Variants in KCNK6 observed in about 807,000 individuals in gnomAD.
KCNK6 encodes the protein potassium two pore domain channel subfamily K member 6.
KCNK6 carries 20 observed loss-of-function variants against 21.9 expected under a neutral mutation model. The ratio of observed to expected loss-of-function variants is 0.91; its 90% CI spans 0.64 to 1.32. The LOEUF is 1.32. KCNK6 is among the 40% of genes most tolerant of loss of function. The pLI is 0.00. For missense variants in KCNK6, 415 were observed against 433.1 expected, an observed-to-expected ratio of 0.96 and a Z score of 0.37; for synonymous variants, 210 against 218.0, an observed-to-expected ratio of 0.96 and a Z score of 0.32.
At position 38,328,872 on chromosome 19, in the gene KCNK6, A is replaced by AGAGAGAG. The variant is rs1969740767; in HGVS notation, c.*1469_*1470insGAGAGAG. 1 of 120,762 alleles carries AGAGAGAG rather than the reference A, an allele frequency of 8.3e-6. No individual in the cohort carries two copies. Among genetic ancestry groups the AGAGAGAG allele is most frequent in the African/African-American group, 2.8e-5 (1 of 35,730 alleles). The allele number at this position is 120,762 out of a possible 1,614,324, so 7.5% of individuals were successfully genotyped here. On this transcript the variant is annotated 3_prime_UTR_variant, in exon 3 of 3. Coordinates refer to ENST00000263372, the MANE Select transcript of KCNK6 (RefSeq NM_004823.3). Reference sequence around the variant, plus strand: ...AAAGAAAGAGAGAAAGAAAGAAAGAAAGAGAGAGAAAGAAAGAAAGAAAGA... The same window carrying AGAGAGAG: ...AAAGAAAGAGAGAAAGAAAGAAAGAAGAGAGAGAGAGAGAGAAAGAAAGAAAGAAAGA...
Position 38,320,122 on chromosome 19 carries a change from G to T in KCNK6, c.172G>T (p.Ala58Ser). ...GCGCAGCCCGTGTGTGGCTGCCCCC[G>T]CCCTGGACGCCTTCGTGGAGCGAGT... Reference protein sequence around the residue: ...LQRSPCVAAPALDAFVERVLA... With the variant: ...LQRSPCVAAPSLDAFVERVLA... The change falls in exon 1 of 3, where the codon GCC becomes TCC. Residue 58 changes from alanine to serine, a missense_variant. By Grantham distance (99) the Ala-to-Ser change is moderately conservative (BLOSUM62 1). Transcript: ENST00000263372. 2.5e-6 allele frequency: 4 copies of T among 1,583,318 alleles called. No homozygotes were observed. Among genetic ancestry groups the T allele is most frequent in the Non-Finnish European group, 3.4e-6 (4 of 1,172,406 alleles).
chr19:38,320,520 G>A (rs1439133127), intron 1 of KCNK6, among the ~76,000 whole-genome samples: 1 of 150,726 alleles, frequency 6.6e-6, no homozygotes, highest in African/African-American at 2.4e-5. Flanking sequence ...CCTTTGCAGA[G>A]ACCAGCTGGG....
At position 38,327,273 on chromosome 19, in the gene KCNK6, T is replaced by G; in HGVS notation, c.812T>G (p.Leu271Arg). 2 of 1,613,742 alleles carry G rather than the reference T, an allele frequency of 1.2e-6. No individual in the cohort carries two copies. The highest frequency in any genetic ancestry group is 8.5e-7 in the Non-Finnish European group (1 of 1,180,020). Residue 271 changes from leucine (L) to arginine (R), a missense_variant, in exon 3 of 3, where the codon CTG becomes CGG. By Grantham distance (102) the Leu-to-Arg change is moderately radical (BLOSUM62 -2). Transcript: ENST00000263372. Reference protein sequence around the residue: ...DLHGLTELILLPPPCPASFNA... With the variant: ...DLHGLTELILRPPPCPASFNA... ...CACGGCCTCACGGAGCTCATCCTGCTGCCCCCTCCGTGCCCTGCCAGTTTC... is the reference window on the plus strand; with the variant it reads ...CACGGCCTCACGGAGCTCATCCTGCGGCCCCCTCCGTGCCCTGCCAGTTTC...
rs779821819 is a variant in KCNK6, at chr19:38,320,244, C to T, written c.294C>T (p.Phe98=). 16 of 1,606,258 alleles carry T rather than the reference C, an allele frequency of 1.0e-5. No homozygotes were observed. The East Asian group carries it at 3.6e-4, about 36-fold the overall frequency. ...CCTGGGACTTCGCCTCTGCTCTCTT[C>T]TTCGCCAGCACGCTGATCACCACCG... ...DPAWDFASAL[F]FASTLITTVG... is the part of the protein sequence containing the mutation. Residue 98 remains phenylalanine (F), a synonymous_variant, in exon 1 of 3, where the codon TTC becomes TTT. Coordinates refer to ENST00000263372, the MANE Select transcript of KCNK6 (RefSeq NM_004823.3).
chr19:38,324,056 A>G (rs1969681250), intron 1 of KCNK6, among the ~76,000 whole-genome samples: 1 of 152,066 alleles, frequency 6.6e-6, no homozygotes, highest in Non-Finnish European at 1.5e-5. Flanking sequence ...ATGCTTTTCA[A>G]ACTCTATGAT....
rs1257255788 is a variant in KCNK6, at chr19:38,327,630, T to C, written c.*227T>C. 1.7e-6 allele frequency: 1 copy of C among 582,836 alleles called. No homozygotes were observed. Among genetic ancestry groups the C allele is most frequent in the Non-Finnish European group, 3.1e-6 (1 of 325,322 alleles). 36.1% of individuals were successfully genotyped at this position (582,836 alleles called of 1,614,324 possible). ...GGCACCAACATAACCTTGTTCTCTG[T>C]CCTTTCTCTCATCCTCTTTACACTG... On this transcript the variant is annotated 3_prime_UTR_variant, in exon 3 of 3. Transcript: ENST00000263372.
In KCNK6 at chr19:38,329,946, TGAGA is replaced by T. The variant is rs1315786179; in HGVS notation, c.*2546_*2549del. The T allele has an allele frequency of 3.9e-5, 6 of 152,366 alleles. No homozygotes were observed. Among genetic ancestry groups the T allele is most frequent in the Non-Finnish European group, 1.5e-5 (1 of 68,202 alleles). The allele number at this position is 152,366 out of a possible 1,614,324, so 9.4% of individuals were successfully genotyped here. On this transcript the variant is annotated 3_prime_UTR_variant, in exon 3 of 3. Coordinates refer to ENST00000263372, the MANE Select transcript of KCNK6 (RefSeq NM_004823.3). ...GTCCCACAGAGTGGCCAGTTATCCC[TGAGA>T]GAAAGAGCAGGTTTTAGCGGAGACG... is the stretch of plus-strand genomic sequence containing the variant.
At chr19:38,325,774 C>T (rs1267258734) in intron 1 of KCNK6, among the ~76,000 whole-genome samples, 1 of 152,110 alleles carries the variant, frequency 6.6e-6, no homozygotes, top group Non-Finnish European at 1.5e-5. Flanking sequence ...GGGGTGGGAG[C>T]GTGCTGCCCT....
At position 38,328,477 on chromosome 19, in the gene KCNK6, G is replaced by A. The variant is rs1969736217; in HGVS notation, c.*1074G>A. The A allele has an allele frequency of 6.6e-6, 1 of 152,242 alleles. No individual in the cohort carries two copies. The highest frequency in any genetic ancestry group is 6.5e-5 in the Admixed American group (1 of 15,282). 9.4% of individuals were successfully genotyped at this position (152,242 alleles called of 1,614,324 possible). A position where few individuals can be genotyped will look rare whatever the true frequency, so the allele number is the denominator to read the frequency against. On this transcript the variant is annotated 3_prime_UTR_variant, in exon 3 of 3. Coordinates refer to ENST00000263372, the MANE Select transcript of KCNK6 (RefSeq NM_004823.3). ...TTAGCCACGTCTGGCCTGTGTCCTT[G>A]GGCAGTCACACTACCTCTCTGATTT... is the stretch of plus-strand genomic sequence containing the variant.
At chr19:38,325,604 G>A (rs1969699388) in intron 1 of KCNK6, 1 of 928,924 alleles carries the variant, frequency 1.1e-6, no homozygotes. Flanking sequence ...GCTAGAAGGT[G>A]TTAAGTGCTA....
intron 1 of KCNK6, among the ~76,000 whole-genome samples, chr19:38,323,786 TC>T (rs1162958358): frequency 6.6e-6 from 1 of 152,148 alleles, no homozygotes; most frequent in African/African-American, 2.4e-5. Context: ...GAAGGTGGTC[TC>T]CCTATGTTGC....
chr19:38,326,603 C>T lies in KCNK6; in HGVS notation c.333C>T (p.Tyr111=), dbSNP rs1969709535. ...TCTTTACTCCCCTAGGCTATGGGTACACAACGCCACTGACTGATGCGGGCA... is the reference window on the plus strand; with the variant it reads ...TCTTTACTCCCCTAGGCTATGGGTATACAACGCCACTGACTGATGCGGGCA... ...STLITTVGYG[Y]TTPLTDAGKA... is the part of the protein sequence containing the mutation. The change falls in exon 2 of 3, where the codon TAC becomes TAT. Residue 111 remains tyrosine, a synonymous_variant. Coordinates refer to ENST00000263372, the MANE Select transcript of KCNK6 (RefSeq NM_004823.3). 1 of 1,609,732 alleles carries T rather than the reference C, an allele frequency of 6.2e-7. No individual in the cohort carries two copies. The highest frequency in any genetic ancestry group is 8.5e-7 in the Non-Finnish European group (1 of 1,178,540).
intron 1 of KCNK6, 83 bp from the exon 2 acceptor site, chr19:38,326,510 C>T (rs971323788): frequency 3.3e-5 from 48 of 1,456,408 alleles, no homozygotes; most frequent in Admixed American, 4.1e-5. Context: ...ATGATGGCAC[C>T]GCTGCACTCC....
intron 1 of KCNK6, among the ~76,000 whole-genome samples, chr19:38,320,511 C>T (rs1318248482): frequency 1.3e-5 from 2 of 151,922 alleles, no homozygotes; most frequent in Non-Finnish European, 2.9e-5. Flanking sequence ...CTCAGAGTAC[C>T]TTTGCAGAGA....
Position 38,320,080 on chromosome 19 carries a change from C to G in KCNK6, c.130C>G (p.Arg44Gly). The G allele has an allele frequency of 6.5e-7, 1 of 1,532,152 alleles. No homozygotes were observed. The highest frequency in any genetic ancestry group is 8.7e-7 in the Non-Finnish European group (1 of 1,146,608). 94.9% of individuals were successfully genotyped at this position (1,532,152 alleles called of 1,614,324 possible). The change falls in exon 1 of 3, where the codon CGG becomes GGG. Residue 44 changes from arginine to glycine, a missense_variant. Transcript: ENST00000263372. Reference sequence around the variant, plus strand: ...GCTCCGAGCCGAGCTGGAGACGCTGCGGGCGCAGCTGCTTCAGCGCAGCCC... The same window carrying G: ...GCTCCGAGCCGAGCTGGAGACGCTGGGGGCGCAGCTGCTTCAGCGCAGCCC... ...ARLRAELETL[R>G]AQLLQRSPCV... is the part of the protein sequence containing the mutation.
In KCNK6 at chr19:38,320,731, G is replaced by C. The variant is rs183935805; in HGVS notation, c.322+459G>C. 9.2e-5 allele frequency among the ~76,000 whole-genome samples: 14 copies of C among 152,104 alleles called. 1 individual carries two copies. The East Asian group carries it at 2.7e-3, about 29-fold the overall frequency. ...ATACCACCATGCCTGGCTAATTTTT[G>C]TATTTTCAGTGGAGACGGAGTTTCA... On this transcript the variant is annotated intron_variant, in intron 1 of 2. Transcript: ENST00000263372.
In KCNK6 at chr19:38,320,264, C is replaced by T. The variant is rs201520164; in HGVS notation, c.314C>T (p.Thr105Ile). 1.3e-3 allele frequency: 2,118 copies of T among 1,606,056 alleles called. 38 individuals carry two copies. The South Asian group carries it at 0.019, about 15-fold the overall frequency. ...SALFFASTLI[T>I]TVGYGYTTPL... ...CTCTTCTTCGCCAGCACGCTGATCACCACCGTGGGTACGTAAGCGCCTCAC... is the reference window on the plus strand; with the variant it reads ...CTCTTCTTCGCCAGCACGCTGATCATCACCGTGGGTACGTAAGCGCCTCAC... The change falls in exon 1 of 3, where the codon ACC becomes ATC. Residue 105 changes from threonine to isoleucine, a missense_variant. Transcript: ENST00000263372.
In KCNK6 at chr19:38,326,736, T is replaced by G; in HGVS notation, c.466T>G (p.Trp156Gly). ...SLLLTHVPLS[W>G]LSMRWGWDPR... is the part of the protein sequence containing the mutation. ...GCTGCTGACTCACGTGCCCCTGTCT[T>G]GGCTGAGCATGCGTTGGGGCTGGGA... The change falls in exon 2 of 3, where the codon TGG (tryptophan) becomes GGG (glycine). Residue 156 changes from tryptophan to glycine, a missense_variant. By Grantham distance (184) the Trp-to-Gly change is radical. Coordinates refer to ENST00000263372, the MANE Select transcript of KCNK6 (RefSeq NM_004823.3). The G allele has an allele frequency of 3.1e-6, 5 of 1,604,542 alleles. No homozygotes were observed. The highest frequency in any genetic ancestry group is 4.2e-6 in the Non-Finnish European group (5 of 1,179,954).
At chr19:38,325,335 T>C in intron 1 of KCNK6, 1 of 896,460 alleles carries the variant, frequency 1.1e-6, no homozygotes, top group Non-Finnish European at 1.3e-6. Flanking sequence ...CAGGCTAGTC[T>C]TGAACTCCTG....
Sources: gnomAD v4.1 joint callset for allele counts (sites outside exome capture counted in the v4.1 genomes callset) on GRCh38, gnomAD v4.1.1 for gene constraint, MANE v1.5 for transcripts, NCBI Gene and HGNC (gene_info 2026-07-23, HGNC 2026-07-21) for gene names.